MCMBP: variants seen among roughly 807,000 people sequenced by gnomAD.
MCMBP encodes the protein mini-chromosome maintenance complex-binding protein.
In MCMBP, 31 loss-of-function variants were observed where a neutral mutation model predicts 81.3. The observed-to-expected ratio is 0.38, with a 90% CI of 0.29 to 0.51. The LOEUF (loss-of-function observed/expected upper bound fraction) is 0.51. Ranked by LOEUF, MCMBP falls within the 20% of genes least tolerant of loss-of-function variation. MCMBP has a pLI of 0.87. For synonymous variants in MCMBP, 267 were observed against 275.9 expected (o/e 0.97, Z 0.32); for missense variants, 645 against 772.1 (o/e 0.84, Z 1.95).
intron 1 of MCMBP, among the ~76,000 whole-genome samples, chr10:119,863,590 G>T (rs1296559273): frequency 6.6e-6 from 1 of 151,748 alleles, no homozygotes. Flanking sequence ...TTAGCCGGGC[G>T]TGGTGGCACA....
At chr10:119,845,724 G>GA (rs1487108320) in intron 8 of MCMBP, among the ~76,000 whole-genome samples, 2 of 152,196 alleles carry the variant, frequency 1.3e-5, no homozygotes, top group East Asian at 3.9e-4. Flanking sequence ...AAATAAAAAT[G>GA]AACTGGAAAT....
At position 119,855,041 on chromosome 10, in the gene MCMBP, C is replaced by A. The variant is rs144979390; in HGVS notation, c.430-1847G>T. ...TGCCAAATATAAAAAAAGATGAATT[C>A]TTCTTGCTTCTTAATTTATATAAAA... On this transcript the variant is annotated intron_variant, in intron 5 of 15. Coordinates refer to ENST00000369077, the MANE Select transcript of MCMBP (RefSeq NM_001256378.2). Among the ~76,000 whole-genome samples, 20 of 151,380 alleles carry A rather than the reference C, an allele frequency of 1.3e-4. No homozygotes were observed. The East Asian group carries it at 3.7e-3, about 28-fold the overall frequency.
At chr10:119,838,781 GTTTC>G in intron 11 of MCMBP, 81 bp from the exon 12 acceptor site, 1 of 1,249,694 alleles carries the variant, frequency 8.0e-7, no homozygotes, top group Admixed American at 2.3e-5. Context: ...TAAACATTGT[GTTTC>G]ATATGGAAAA....
chr10:119,871,482 A>G (rs992808833), intron 1 of MCMBP, among the ~76,000 whole-genome samples: 1 of 152,162 alleles, frequency 6.6e-6, no homozygotes, highest in African/African-American at 2.4e-5. Context: ...CCAGGTAACT[A>G]AACTAATTAG....
intron 1 of MCMBP, among the ~76,000 whole-genome samples, chr10:119,863,949 T>G (rs916084111): frequency 4.0e-5 from 6 of 151,706 alleles, no homozygotes; most frequent in African/African-American, 1.5e-4. Flanking sequence ...CTTGTAAAGA[T>G]ATGTTACATA....
rs1249014507 is a variant in MCMBP, at chr10:119,847,698, C to A, written c.742G>T (p.Asp248Tyr). 6.2e-7 allele frequency: 1 copy of A among 1,607,008 alleles called. No individual in the cohort carries two copies. The highest frequency in any genetic ancestry group is 8.5e-7 in the Non-Finnish European group (1 of 1,175,318). ...ACLVKVYEDW[D>Y]CFKVNDILEL... ...AGAATGTCATTTACTTTGAAACAAT[C>A]CCAATCTTCATAAACCTAACAAGAG... Residue 248 changes from aspartate (D) to tyrosine (Y), a missense_variant, in exon 8 of 16, where the codon GAT becomes TAT. By Grantham distance (160) the Asp-to-Tyr change is radical. Transcript: ENST00000369077.
At chr10:119,847,289 A>C (rs1205805215) in intron 8 of MCMBP, among the ~76,000 whole-genome samples, 2 of 152,176 alleles carry the variant, frequency 1.3e-5, no homozygotes, top group African/African-American at 4.8e-5. Flanking sequence ...ATTGTGGATT[A>C]GTGTATTGTA....
chr10:119,843,670 AT>A (rs535669997), intron 8 of MCMBP, among the ~76,000 whole-genome samples: 6 of 149,418 alleles, frequency 4.0e-5, no homozygotes, highest in East Asian at 3.9e-4. Flanking sequence ...TTTTATTTTT[AT>A]TTTTTTTTTG....
chr10:119,872,594 G>T lies in MCMBP; in HGVS notation c.-10C>A. The T allele has an allele frequency of 1.7e-6, 2 of 1,171,254 alleles. No homozygotes were observed. The allele number at this position is 1,171,254 out of a possible 1,614,324, so 72.6% of individuals were successfully genotyped here. On this transcript the variant is annotated 5_prime_UTR_variant, in exon 1 of 16. Transcript: ENST00000369077. ...CCTCCCCACACGGCATCTCGCCAGGGGCCGGGGCCGGCGAAGACCGGGCGG... is the reference window on the plus strand; with the variant it reads ...CCTCCCCACACGGCATCTCGCCAGGTGCCGGGGCCGGCGAAGACCGGGCGG...
intron 1 of MCMBP, among the ~76,000 whole-genome samples, chr10:119,864,618 TTTTC>T (rs1165788303): frequency 1.3e-5 from 2 of 152,164 alleles, no homozygotes; most frequent in African/African-American, 2.4e-5. Flanking sequence ...TTCACTGATT[TTTTC>T]TTTTTTTTCT....
intron 14 of MCMBP, among the ~76,000 whole-genome samples, chr10:119,834,861 C>CAAAAA (rs71019725): frequency 1.5e-4 from 10 of 67,288 alleles, no homozygotes; most frequent in East Asian, 4.2e-4. Context: ...GACCCTGTCT[C>CAAAAA]AAAAAAAAAA....
At chr10:119,865,791 G>A (rs1363692603) in intron 1 of MCMBP, among the ~76,000 whole-genome samples, 2 of 151,968 alleles carry the variant, frequency 1.3e-5, no homozygotes, top group Admixed American at 6.6e-5. Context: ...AAAAAGGAAT[G>A]CAGACTGGGT....
intron 10 of MCMBP, among the ~76,000 whole-genome samples, chr10:119,841,512 C>T (rs1020298882): frequency 6.6e-6 from 1 of 152,238 alleles, no homozygotes; most frequent in Non-Finnish European, 1.5e-5. Flanking sequence ...GCAGCCACTA[C>T]AAAGTTCATG....
At chr10:119,858,766 T>A in intron 4 of MCMBP, 118 bp downstream of exon 4, 1 of 804,112 alleles carries the variant, frequency 1.2e-6, no homozygotes, top group South Asian at 2.0e-5. Flanking sequence ...GGAAAACATT[T>A]CACATGATTT....
At chr10:119,832,175 T>C in intron 14 of MCMBP, 75 bp from the exon 15 acceptor site, 2 of 1,317,844 alleles carry the variant, frequency 1.5e-6, no homozygotes, top group African/African-American at 1.4e-5. Context: ...CCTTGACTGA[T>C]GTAGTAAGGT....
intron 4 of MCMBP, 43 bp downstream of exon 4, chr10:119,858,841 A>G (rs1439595829): frequency 7.0e-7 from 1 of 1,436,158 alleles, no homozygotes; most frequent in South Asian, 1.3e-5. Flanking sequence ...GTTTAGGAAA[A>G]AATTCTTACT....
chr10:119,872,121 A>G (rs1003712828), intron 1 of MCMBP, among the ~76,000 whole-genome samples: 2 of 152,152 alleles, frequency 1.3e-5, no homozygotes, highest in African/African-American at 2.4e-5. Context: ...GGCTTCCCAC[A>G]GGCAAAGTGG....
chr10:119,864,222 G>C (rs992361099), intron 1 of MCMBP, among the ~76,000 whole-genome samples: 2 of 152,244 alleles, frequency 1.3e-5, no homozygotes, highest in African/African-American at 2.4e-5. Context: ...ACAATGGAAT[G>C]CAAGTCCTGT....
Position 119,831,496 on chromosome 10 carries a change from CAT to C in MCMBP, c.1899_1900del (p.Val635GlufsTer4), listed in dbSNP as rs1564866851. 9 of 1,613,984 alleles carry C rather than the reference CAT, an allele frequency of 5.6e-6. No individual in the cohort carries two copies. The highest frequency in any genetic ancestry group is 7.6e-6 in the Non-Finnish European group (9 of 1,179,922). On this transcript the variant is annotated frameshift_variant, in exon 16 of 16. Coordinates refer to ENST00000369077, the MANE Select transcript of MCMBP (RefSeq NM_001256378.2). LOFTEE classifies it high-confidence loss of function. ...TCTTTAAAGTTCATTTCCATTCACA[CAT>C]TTTTGCTGCTGAAGCCTCGTTCTTC... is the stretch of plus-strand genomic sequence containing the variant.
Sources: allele counts gnomAD v4.1 joint callset (sites outside exome capture counted in the v4.1 genomes callset), GRCh38; gene constraint gnomAD v4.1.1; transcripts MANE v1.5; gene names NCBI Gene and HGNC (gene_info 2026-07-23, HGNC 2026-07-21).